The following TSC22D3 variants were observed in gnomAD, a reference collection of about 807,000 sequenced individuals.
TSC22D3 encodes the protein TSC22 domain family protein 3.
In TSC22D3, 4 loss-of-function variants were observed where a neutral mutation model predicts 11.1. The observed-to-expected ratio is 0.36, with a 90% CI of 0.18 to 0.83. The LOEUF (loss-of-function observed/expected upper bound fraction) is 0.83, where lower values mean the gene tolerates loss of function less well. Ranked by LOEUF, TSC22D3 falls within the 40% of genes least tolerant of loss-of-function variation. The pLI, the probability that TSC22D3 is intolerant of heterozygous loss-of-function variation, is 0.48. For synonymous variants in TSC22D3, 77 were observed against 70.3 expected (o/e 1.10, Z -0.48); for missense variants, 118 against 159.4 (o/e 0.74, Z 1.40).
chrX:107,732,212 C>T, intron 1 of TSC22D3, among the ~76,000 whole-genome samples: 1 of 108,734 alleles, frequency 9.2e-6, no homozygotes, highest in Non-Finnish European at 1.9e-5. Context: ...CTGCCCTCCC[C>T]TCCCCTCCCT....
intron 1 of TSC22D3, among the ~76,000 whole-genome samples, chrX:107,734,192 G>A (rs371488557): frequency 8.9e-6 from 1 of 112,098 alleles, no homozygotes; most frequent in South Asian, 3.7e-4. Context: ...TCCCTTCCCA[G>A]AACTGAGGGT....
At chrX:107,716,154 C>T (rs1927011250) in intron 1 of TSC22D3, 2 of 651,045 alleles carry the variant, frequency 3.1e-6, no homozygotes, top group East Asian at 7.3e-5. Flanking sequence ...CAGGCCGGCT[C>T]AGCGCTGCTG....
At chrX:107,770,829 C>T (rs1929877454) in intron 1 of TSC22D3, among the ~76,000 whole-genome samples, 1 of 112,679 alleles carries the variant, frequency 8.9e-6, no homozygotes, top group African/African-American at 3.2e-5. Context: ...CAAATGTCAA[C>T]TTGGGAAGCT....
intron 1 of TSC22D3, among the ~76,000 whole-genome samples, chrX:107,718,752 C>A (rs1477243039): frequency 8.9e-6 from 1 of 112,349 alleles, no homozygotes; most frequent in Non-Finnish European, 1.9e-5. Flanking sequence ...GCTGCACTAG[C>A]CCGGGATGGT....
intron 1 of TSC22D3, among the ~76,000 whole-genome samples, chrX:107,756,646 C>T (rs1252604458): frequency 8.9e-6 from 1 of 112,461 alleles, no homozygotes; most frequent in Non-Finnish European, 1.9e-5. Context: ...GCCAGGGCAC[C>T]GGCCGTTATT....
chrX:107,731,396 A>C (rs1569449315), intron 1 of TSC22D3, among the ~76,000 whole-genome samples: 1 of 111,949 alleles, frequency 8.9e-6, no homozygotes, highest in Non-Finnish European at 1.9e-5. Context: ...ACAACCTGGA[A>C]AAGTTCCAGA....
chrX:107,759,465 A>C lies in TSC22D3; in HGVS notation c.320+15635T>G, dbSNP rs139647344. 7.1e-5 allele frequency among the ~76,000 whole-genome samples: 8 copies of C among 112,137 alleles called. No homozygotes were observed. The East Asian group carries it at 2.3e-3, about 32-fold the overall frequency. On this transcript the variant is annotated intron_variant, in intron 1 of 2. Transcript: ENST00000372383. ...CCTCCCCCATTTTGTAAGTAGGCAA[A>C]GCAGCCCACAGAAGGGCAGGAGTTA...
At chrX:107,720,705 G>C (rs1490007788) in intron 1 of TSC22D3, among the ~76,000 whole-genome samples, 1 of 79,339 alleles carries the variant, frequency 1.3e-5, no homozygotes, top group African/African-American at 4.8e-5. Context: ...AGAAAAAAAA[G>C]AAAAGAAAAG....
chrX:107,740,354 C>T (rs973874585), intron 1 of TSC22D3, among the ~76,000 whole-genome samples: 15 of 111,610 alleles, frequency 1.3e-4, no homozygotes, highest in Non-Finnish European at 2.6e-4. Context: ...GAGGCCGAGG[C>T]GGGCGGATCA....
rs981518353 is a variant in TSC22D3 at position 107,715,654 on chromosome X, C to T, written c.372+245G>A. 1.1e-5 allele frequency: 5 copies of T among 441,026 alleles called. No homozygotes were observed. In the East Asian group the frequency reaches 1.6e-4, roughly 14 times the overall value. The allele number at this position is 441,026 out of a possible 1,213,427, so 36.3% of individuals were successfully genotyped here. A position where few individuals can be genotyped will look rare whatever the true frequency, so the allele number is the denominator to read the frequency against. ...CAACAGGCCCAGGAGAGAGTCAGAG[C>T]CTGCGGCAAAGACCTGAGATGGAGG... On this transcript the variant is annotated intron_variant, in intron 2 of 2. Transcript: ENST00000372383.
At position 107,714,262 on chromosome X, in the gene TSC22D3, A is replaced by G; in HGVS notation, c.*257T>C. ...AGTTGCCCAGGCCCTGGGAGCCCCC[A>G]GGGCGCAGTAGCATTAGAGGCTCAC... is the stretch of plus-strand genomic sequence containing the variant. On this transcript the variant is annotated 3_prime_UTR_variant, in exon 3 of 3. Coordinates refer to ENST00000372383, the MANE Select transcript of TSC22D3 (RefSeq NM_198057.3). The G allele has an allele frequency of 3.1e-6, 1 of 319,423 alleles. No homozygotes were observed. Among genetic ancestry groups the G allele is most frequent in the Middle Eastern group, 8.7e-4 (1 of 1,146 alleles). 26.3% of individuals were successfully genotyped at this position (319,423 alleles called of 1,213,427 possible). A position where few individuals can be genotyped will look rare whatever the true frequency, so the allele number is the denominator to read the frequency against.
At chrX:107,774,034 A>G (rs1397530218) in intron 1 of TSC22D3, among the ~76,000 whole-genome samples, 1 of 111,936 alleles carries the variant, frequency 8.9e-6, no homozygotes, top group East Asian at 2.8e-4. Context: ...AGGCTCATAC[A>G]AACAGGTGAA....
chrX:107,753,989 C>T (rs1289025542), intron 1 of TSC22D3, among the ~76,000 whole-genome samples: 2 of 108,503 alleles, frequency 1.8e-5, no homozygotes, highest in Admixed American at 9.8e-5. Context: ...GATCTTGGCT[C>T]ACTGCAACCT....
rs747988561 is a variant in TSC22D3 at position 107,755,289 on chromosome X, T to C, written c.320+19811A>G. Among the ~76,000 whole-genome samples the C allele has an allele frequency of 3.6e-5, 4 of 112,544 alleles. No individual in the cohort carries two copies. The East Asian group carries it at 1.1e-3, about 31-fold the overall frequency. On this transcript the variant is annotated intron_variant, in intron 1 of 2. Coordinates refer to ENST00000372383, the MANE Select transcript of TSC22D3 (RefSeq NM_198057.3). The stretch of plus-strand genomic sequence containing the variant: ...AGAAGTTGTTAAACACTGGAATGTA[T>C]GAACAAAGGACTTTGTGGTATTTCC...
At chrX:107,773,439 A>C (rs1051874210) in intron 1 of TSC22D3, among the ~76,000 whole-genome samples, 1 of 112,040 alleles carries the variant, frequency 8.9e-6, no homozygotes, top group Non-Finnish European at 1.9e-5. Flanking sequence ...GCCACTCTCC[A>C]ACAGAGACAG....
At chrX:107,720,855 G>T (rs1927294847) in intron 1 of TSC22D3, among the ~76,000 whole-genome samples, 1 of 111,239 alleles carries the variant, frequency 9.0e-6, no homozygotes. Context: ...GAATAGCTAT[G>T]CCAAACCTTG....
intron 1 of TSC22D3, among the ~76,000 whole-genome samples, chrX:107,736,405 T>C (rs1306258551): frequency 8.9e-6 from 1 of 111,820 alleles, no homozygotes; most frequent in Non-Finnish European, 1.9e-5. Context: ...CTCCCCATTT[T>C]CCCCTTCTGT....
chrX:107,715,772 G>A (rs1345036089), intron 2 of TSC22D3, 127 bp downstream of exon 2: 2 of 800,054 alleles, frequency 2.5e-6, no homozygotes, highest in Non-Finnish European at 3.8e-6. Context: ...GTGCGGATAG[G>A]AGGCAGGCTG....
chrX:107,745,791 C>G (rs1268704852), intron 1 of TSC22D3, among the ~76,000 whole-genome samples: 2 of 112,201 alleles, frequency 1.8e-5, no homozygotes, highest in Non-Finnish European at 3.8e-5. Flanking sequence ...TTTGTTTAAA[C>G]CAAGGTCACT....
Sources: gnomAD v4.1 joint callset for allele counts (sites outside exome capture counted in the v4.1 genomes callset) on GRCh38, gnomAD v4.1.1 for gene constraint, MANE v1.5 for transcripts, NCBI Gene and HGNC (gene_info 2026-07-23, HGNC 2026-07-21) for gene names.